EYA3: variants seen among roughly 807,000 people sequenced by gnomAD.
EYA3 encodes protein phosphatase EYA3.
A neutral mutation model predicts 80.0 loss-of-function variants in EYA3; 39 were observed. The observed-to-expected ratio is 0.49, with a 90% CI of 0.38 to 0.64. EYA3 has a LOEUF of 0.64. Ranked by LOEUF, EYA3 falls within the 30% of genes least tolerant of loss-of-function variation. EYA3 has a pLI of 0.00. For missense variants in EYA3, 523 were observed against 676.1 expected (o/e 0.77, Z 2.51); for synonymous variants, 206 against 232.8 (o/e 0.88, Z 1.05).
chr1:28,045,957 A>G (rs1258212422), intron 3 of EYA3, among the ~76,000 whole-genome samples: 3 of 152,214 alleles, frequency 2.0e-5, no homozygotes, highest in Non-Finnish European at 4.4e-5. Flanking sequence ...ATTCTGACAC[A>G]TGCTACAAAT....
chr1:28,073,128 T>TATATATATATATATATATATATA (rs58073802), intron 1 of EYA3, among the ~76,000 whole-genome samples: 6 of 29,232 alleles, frequency 2.1e-4, no homozygotes, highest in African/African-American at 9.3e-4. Flanking sequence ...TATATATATA[T>TATATATATATATATATATATATA]TTTTTTTTTT....
At chr1:28,010,454 G>A (rs913691780) in intron 10 of EYA3, among the ~76,000 whole-genome samples, 5 of 152,068 alleles carry the variant, frequency 3.3e-5, no homozygotes, top group Non-Finnish European at 5.9e-5. Flanking sequence ...GCAGTGGCCC[G>A]ATCATAGCTC....
intron 3 of EYA3, among the ~76,000 whole-genome samples, 174 bp from the exon 4 acceptor site, chr1:28,042,824 T>C (rs1000447206): frequency 6.6e-6 from 1 of 152,132 alleles, no homozygotes; most frequent in African/African-American, 2.4e-5. Flanking sequence ...GGGCCAGGGC[T>C]AGTACCCTCA....
At chr1:27,992,427 G>T (rs1181283698) in intron 14 of EYA3, among the ~76,000 whole-genome samples, 1 of 152,104 alleles carries the variant, frequency 6.6e-6, no homozygotes, top group Non-Finnish European at 1.5e-5. Context: ...TGATCTGACA[G>T]GAAGTGGAGC....
intron 3 of EYA3, among the ~76,000 whole-genome samples, chr1:28,043,572 T>A (rs1185771862): frequency 6.6e-6 from 1 of 152,114 alleles, no homozygotes; most frequent in Non-Finnish European, 1.5e-5. Context: ...GTGCGGTGGC[T>A]TACACCTGTA....
At chr1:28,042,345 G>A (rs568768309) in intron 4 of EYA3, among the ~76,000 whole-genome samples, 5 of 152,150 alleles carry the variant, frequency 3.3e-5, no homozygotes, top group East Asian at 1.9e-4. Context: ...ATAAAATCAC[G>A]GCGTGTGACT....
intron 6 of EYA3, 23 bp downstream of exon 6, chr1:28,035,521 T>C: frequency 3.7e-6 from 6 of 1,600,062 alleles, no homozygotes; most frequent in Non-Finnish European, 4.3e-6. Context: ...TTCTTAGAAA[T>C]TGTTTACAAT....
chr1:28,013,501 G>A lies in EYA3; in HGVS notation c.586-207C>T, dbSNP rs544676829. ...AAACCTAAGTCAAGAGATGTCCCAGGAGCAGTCTTGGAATGAGGAAATGCT... is the reference window on the plus strand; with the variant it reads ...AAACCTAAGTCAAGAGATGTCCCAGAAGCAGTCTTGGAATGAGGAAATGCT... On this transcript the variant is annotated intron_variant, in intron 8 of 17. Coordinates refer to ENST00000373871, the MANE Select transcript of EYA3 (RefSeq NM_001990.4). The surrounding 1 kb of genome is among the most constrained non-coding windows in gnomAD (Gnocchi z 4.0). 1.8e-4 allele frequency among the ~76,000 whole-genome samples: 27 copies of A among 152,216 alleles called. No individual in the cohort carries two copies. The highest frequency in any genetic ancestry group is 3.4e-3 in the Middle Eastern group (1 of 294).
chr1:28,016,255 C>T (rs1159625388), intron 8 of EYA3, among the ~76,000 whole-genome samples: 2 of 152,082 alleles, frequency 1.3e-5, no homozygotes, highest in South Asian at 2.1e-4. Flanking sequence ...AGGCTGGGCG[C>T]GGTGGCTCAC....
chr1:28,041,212 A>T (rs1462195884), intron 4 of EYA3, among the ~76,000 whole-genome samples: 2 of 152,076 alleles, frequency 1.3e-5, no homozygotes, highest in Admixed American at 6.6e-5. Flanking sequence ...AAAAATACAA[A>T]AATTAGCCAG....
chr1:28,046,021 C>T (rs1317710690), intron 3 of EYA3, among the ~76,000 whole-genome samples: 1 of 152,172 alleles, frequency 6.6e-6, no homozygotes, highest in South Asian at 2.1e-4. Flanking sequence ...TACTGTATGA[C>T]TCCATTTCTG....
intron 6 of EYA3, 112 bp from the exon 7 acceptor site, chr1:28,028,038 A>G (rs1196288154): frequency 1.6e-6 from 2 of 1,265,072 alleles, no homozygotes; most frequent in East Asian, 4.7e-5. Flanking sequence ...AAACAAAAAT[A>G]AATTTGCTTG....
intron 7 of EYA3, among the ~76,000 whole-genome samples, chr1:28,024,013 C>G (rs766457389): frequency 6.6e-6 from 1 of 152,220 alleles, no homozygotes; most frequent in African/African-American, 2.4e-5. Context: ...CCGAGGCAGG[C>G]GGATCACTTG....
chr1:27,981,096 A>C (rs1225196917), intron 16 of EYA3, among the ~76,000 whole-genome samples: 1 of 152,256 alleles, frequency 6.6e-6, no homozygotes, highest in African/African-American at 2.4e-5. Context: ...AATTATTTTG[A>C]GAATTCTCTT....
Position 28,013,275 on chromosome 1 carries a change from A to G in EYA3, c.605T>C (p.Ile202Thr), listed in dbSNP as rs1221320359. The change falls in exon 9 of 18, where the codon ATT becomes ACT. Residue 202 changes from isoleucine (I) to threonine (T), a missense_variant. This residue lies in a region of EYA3 where 304 missense variants were observed against 343.3 expected (regional missense o/e 0.89). Coordinates refer to ENST00000373871, the MANE Select transcript of EYA3 (RefSeq NM_001990.4). This position sits in a 1 kb window ranked among gnomAD's most constrained non-coding sequence, Gnocchi z 4.0. ...GGCCTGGTACTGATTCTGACCAAGA[A>G]TAGTATAGGTGGGATAATCCTGCAG... ...ISNQDYPTYT[I>T]LGQNQYQACY... is the part of the protein sequence containing the mutation. 8.1e-6 allele frequency: 13 copies of G among 1,613,882 alleles called. No individual in the cohort carries two copies. Among genetic ancestry groups the G allele is most frequent in the African/African-American group, 4.0e-5 (3 of 75,050 alleles).
At chr1:28,000,883 T>C (rs1640786991) in intron 11 of EYA3, among the ~76,000 whole-genome samples, 1 of 152,040 alleles carries the variant, frequency 6.6e-6, no homozygotes, top group South Asian at 2.1e-4. Context: ...GGCAACATGG[T>C]GAAACCATGT....
intron 8 of EYA3, 90 bp downstream of exon 8, chr1:28,017,064 G>C (rs1173956039): frequency 4.4e-6 from 5 of 1,135,214 alleles, no homozygotes; most frequent in Admixed American, 3.7e-5. Context: ...ATTCCTGGTT[G>C]TTTCTTAGAT....
Position 28,042,646 on chromosome 1 carries a change from C to T in EYA3, c.82G>A (p.Val28Ile). 1.2e-6 allele frequency: 2 copies of T among 1,613,982 alleles called. No homozygotes were observed. Among genetic ancestry groups the T allele is most frequent in the African/African-American group, 2.7e-5 (2 of 75,036 alleles). Residue 28 changes from valine (V) to isoleucine (I), a missense_variant, in exon 4 of 18, where the codon GTA becomes ATA. Transcript: ENST00000373871. ...QESGEQTISQVSNPDVSDQKP... is the reference protein window; with the variant it reads ...QESGEQTISQISNPDVSDQKP... ...TGATCACTGACATCTGGATTGCTTA[C>T]TTGACTGGGAGAACCAAAATGAATA...
intron 10 of EYA3, among the ~76,000 whole-genome samples, chr1:28,010,296 C>T (rs1641597680): frequency 1.3e-5 from 2 of 152,212 alleles, no homozygotes; most frequent in African/African-American, 2.4e-5. Context: ...AGTACTTACA[C>T]TACAGAATAA....
Sources: allele counts gnomAD v4.1 joint callset (sites outside exome capture counted in the v4.1 genomes callset), GRCh38; gene constraint gnomAD v4.1.1; regional missense constraint gnomAD v4.1.1; non-coding constraint Gnocchi (gnomAD v3.1); transcripts MANE v1.5; gene names NCBI Gene and HGNC (gene_info 2026-07-23, HGNC 2026-07-21).